GOLIM4: variants seen among roughly 807,000 people sequenced by gnomAD.
The protein encoded by GOLIM4 is 130 kDa golgi-localized phosphoprotein.
In GOLIM4, 71 loss-of-function variants were observed where a neutral mutation model predicts 107.4. The observed-to-expected ratio is 0.66, with a 90% CI of 0.55 to 0.81. The LOEUF (loss-of-function observed/expected upper bound fraction) is 0.81, where lower values mean the gene tolerates loss of function less well. GOLIM4 is among the 30% of genes least tolerant of loss of function. The probability of loss-of-function intolerance (pLI) is 0.00; values close to 1 mark genes in which losing one functional copy is unlikely to be tolerated. For synonymous variants in GOLIM4, 327 were observed against 294.8 expected (o/e 1.11, Z -1.12); for missense variants, 830 against 826.1 (o/e 1.00, Z -0.06).
intron 5 of GOLIM4, 150 bp downstream of exon 5, chr3:168,043,229 T>C (rs1030466418): frequency 6.8e-6 from 4 of 590,352 alleles, no homozygotes; most frequent in Non-Finnish European, 1.2e-5. Context: ...TGAAGATACA[T>C]GTGAAACATT....
At chr3:168,078,869 TC>T (rs1721197571) in intron 1 of GOLIM4, among the ~76,000 whole-genome samples, 1 of 152,180 alleles carries the variant, frequency 6.6e-6, no homozygotes. Context: ...GTCTAAGCAG[TC>T]CTCTGTGCAG....
intron 1 of GOLIM4, among the ~76,000 whole-genome samples, chr3:168,062,785 A>C (rs1720341919): frequency 6.6e-6 from 1 of 152,186 alleles, no homozygotes; most frequent in Admixed American, 6.5e-5. Flanking sequence ...AGCAAACTAT[A>C]TTTAGGAAAT....
At chr3:168,014,616 T>C (rs1254924575) in intron 14 of GOLIM4, among the ~76,000 whole-genome samples, 1 of 136,370 alleles carries the variant, frequency 7.3e-6, no homozygotes, top group East Asian at 2.0e-4. Context: ...ATATCCTTGA[T>C]GAACATTGAT....
chr3:168,016,877 C>A (rs367803651), intron 14 of GOLIM4, among the ~76,000 whole-genome samples: 1 of 139,538 alleles, frequency 7.2e-6, no homozygotes, highest in African/African-American at 3.3e-5. Context: ...GAATATTACA[C>A]TCTGGGGACT....
intron 8 of GOLIM4, among the ~76,000 whole-genome samples, chr3:168,035,350 T>C (rs909041083): frequency 6.6e-6 from 1 of 152,110 alleles, no homozygotes; most frequent in African/African-American, 2.4e-5. Context: ...TAAAGACACA[T>C]TCACTGCAAC....
intron 9 of GOLIM4, among the ~76,000 whole-genome samples, chr3:168,032,030 A>G (rs1046611320): frequency 6.6e-6 from 1 of 152,202 alleles, no homozygotes; most frequent in Non-Finnish European, 1.5e-5. Context: ...ACCTAGTAGA[A>G]TATCTCCAAG....
intron 14 of GOLIM4, among the ~76,000 whole-genome samples, chr3:168,022,410 G>A (rs1717755213): frequency 6.6e-6 from 1 of 151,620 alleles, no homozygotes; most frequent in Non-Finnish European, 1.5e-5. Context: ...TTCCACCAAT[G>A]AGGTTTCATA....
intron 12 of GOLIM4, 30 bp downstream of exon 12, chr3:168,027,698 T>C (rs748015175): frequency 5.5e-6 from 7 of 1,262,318 alleles, no homozygotes; most frequent in Middle Eastern, 3.7e-4. Context: ...TGAGTTTACA[T>C]GTGTCAGGGG....
At chr3:168,034,471 GA>G (rs1560079147) in intron 8 of GOLIM4, among the ~76,000 whole-genome samples, 4 of 152,206 alleles carry the variant, frequency 2.6e-5, no homozygotes, top group Admixed American at 2.0e-4. Flanking sequence ...AAGAGTCCAT[GA>G]AGATACTGAA....
chr3:168,013,635 G>T (rs943314286), intron 14 of GOLIM4, among the ~76,000 whole-genome samples: 14 of 149,114 alleles, frequency 9.4e-5, no homozygotes, highest in South Asian at 6.3e-4. Context: ...ACCACATACT[G>T]GGAAGTAAAG....
At chr3:168,012,173 C>G (rs1170877403) in intron 14 of GOLIM4, among the ~76,000 whole-genome samples, 1 of 127,622 alleles carries the variant, frequency 7.8e-6, no homozygotes, top group East Asian at 2.0e-4. Flanking sequence ...ACTAGAATAA[C>G]CAATACAGAG....
At position 168,009,557 on chromosome 3, in the gene GOLIM4, T is replaced by C. The variant is rs960384838; in HGVS notation, c.*712A>G. On this transcript the variant is annotated 3_prime_UTR_variant, in exon 16 of 16. Coordinates refer to ENST00000470487, the MANE Select transcript of GOLIM4 (RefSeq NM_014498.5). Reference sequence around the variant, plus strand: ...ATATGTTGATGTGTCCATACCTTGTTTGAACACTGCAATACCTGATTAAGA... The same window carrying C: ...ATATGTTGATGTGTCCATACCTTGTCTGAACACTGCAATACCTGATTAAGA... 2.0e-5 allele frequency: 3 copies of C among 152,160 alleles called. No individual in the cohort carries two copies. The highest frequency in any genetic ancestry group is 4.8e-5 in the African/African-American group (2 of 41,430). 9.4% of individuals were successfully genotyped at this position (152,160 alleles called of 1,614,324 possible). A position where few individuals can be genotyped will look rare whatever the true frequency, so the allele number is the denominator to read the frequency against.
At chr3:168,015,330 CA>C (rs1477586671) in intron 14 of GOLIM4, among the ~76,000 whole-genome samples, 8 of 148,436 alleles carry the variant, frequency 5.4e-5, no homozygotes, top group Non-Finnish European at 8.8e-5. Context: ...ATCCAACTTA[CA>C]AGGGATGTGA....
intron 1 of GOLIM4, among the ~76,000 whole-genome samples, chr3:168,065,385 A>G (rs2108272349): frequency 6.6e-6 from 1 of 152,348 alleles, no homozygotes; most frequent in African/African-American, 2.4e-5. Context: ...TGGCAAAAGA[A>G]GACTATTTTT....
intron 1 of GOLIM4, among the ~76,000 whole-genome samples, chr3:168,060,645 A>G (rs954130917): frequency 6.6e-6 from 1 of 152,220 alleles, no homozygotes; most frequent in Non-Finnish European, 1.5e-5. Context: ...ACAATGAAAC[A>G]AAATCAAAAA....
At chr3:168,012,721 T>G (rs1238086754) in intron 14 of GOLIM4, among the ~76,000 whole-genome samples, 2 of 151,550 alleles carry the variant, frequency 1.3e-5, no homozygotes, top group African/African-American at 4.9e-5. Context: ...CAGAAGAGAG[T>G]GGGGGCCAAT....
chr3:168,051,461 A>C (rs1490889868), intron 1 of GOLIM4, among the ~76,000 whole-genome samples: 1 of 152,208 alleles, frequency 6.6e-6, no homozygotes, highest in Non-Finnish European at 1.5e-5. Context: ...ACCTGAATAA[A>C]TCCCATAAAA....
intron 1 of GOLIM4, among the ~76,000 whole-genome samples, chr3:168,051,141 A>G (rs1157653120): frequency 3.9e-5 from 6 of 152,110 alleles, no homozygotes; most frequent in Non-Finnish European, 8.8e-5. Context: ...AGAACTCATC[A>G]GCATGATTTC....
At chr3:168,087,863 G>T (rs1291172641) in intron 1 of GOLIM4, among the ~76,000 whole-genome samples, 1 of 152,124 alleles carries the variant, frequency 6.6e-6, no homozygotes, top group Non-Finnish European at 1.5e-5. Flanking sequence ...GCTTAGCATT[G>T]AACCCGAACA....
Sources: gnomAD v4.1 joint callset for allele counts (sites outside exome capture counted in the v4.1 genomes callset) on GRCh38, gnomAD v4.1.1 for gene constraint, MANE v1.5 for transcripts, NCBI Gene and HGNC (gene_info 2026-07-23, HGNC 2026-07-21) for gene names.